MECOM: variants seen among roughly 807,000 people sequenced by gnomAD.
MECOM encodes MDS1 and EVI1 complex locus.
Under a neutral mutation model 116.3 loss-of-function variants are expected in MECOM, and 13 were observed. The observed-to-expected ratio is 0.11, with a 90% CI of 0.07 to 0.18. The LOEUF (loss-of-function observed/expected upper bound fraction) is 0.18. Among genes scored for constraint, MECOM ranks in the 10% least tolerant of loss-of-function variants. The pLI, the probability that MECOM is intolerant of heterozygous loss-of-function variation, is 1.00. For missense variants in MECOM, 1,299 were observed against 1,509.0 expected (o/e 0.86, Z 2.31); for synonymous variants, 528 against 535.2 (o/e 0.99, Z 0.19).
At chr3:169,399,201 C>T (rs1735481478) in intron 1 of MECOM, among the ~76,000 whole-genome samples, 1 of 152,112 alleles carries the variant, frequency 6.6e-6, no homozygotes, top group Non-Finnish European at 1.5e-5. Context: ...ACACTAGATG[C>T]TCAAATTCAA....
At chr3:169,290,987 A>G (rs1714440144) in intron 2 of MECOM, among the ~76,000 whole-genome samples, 1 of 152,112 alleles carries the variant, frequency 6.6e-6, no homozygotes, top group African/African-American at 2.4e-5. Flanking sequence ...GTTTTCTCAC[A>G]TTTTCAACAG....
chr3:169,498,609 C>T (rs1754128489), intron 1 of MECOM, among the ~76,000 whole-genome samples: 1 of 152,196 alleles, frequency 6.6e-6, no homozygotes, highest in African/African-American at 2.4e-5. Context: ...TCTATCCACA[C>T]TATCACAAGA....
intron 2 of MECOM, chr3:169,145,177 CACACACACACACAG>C (rs752891876): frequency 2.0e-5 from 9 of 439,736 alleles, no homozygotes; most frequent in African/African-American, 1.8e-4. Context: ...CACACACACA[CACACACACACACAG>C]AGAGAAATCA....
chr3:169,089,492 G>A (rs1373556592), intron 15 of MECOM, among the ~76,000 whole-genome samples: 2 of 152,068 alleles, frequency 1.3e-5, no homozygotes, highest in African/African-American at 4.8e-5. Context: ...TTAAAGTAAA[G>A]CTAATTATGA....
intron 2 of MECOM, among the ~76,000 whole-genome samples, chr3:169,243,067 C>G (rs1755094301): frequency 1.3e-5 from 2 of 152,098 alleles, no homozygotes; most frequent in African/African-American, 4.8e-5. Flanking sequence ...TTACTTAAGT[C>G]AGACTCAATA....
At chr3:169,389,393 C>T (rs965282221) in intron 1 of MECOM, among the ~76,000 whole-genome samples, 2 of 152,192 alleles carry the variant, frequency 1.3e-5, no homozygotes, top group Non-Finnish European at 2.9e-5. Context: ...TAATGTTTGG[C>T]TTATTCTGTT....
chr3:169,446,618 G>C (rs899998499), intron 1 of MECOM, among the ~76,000 whole-genome samples: 1 of 152,158 alleles, frequency 6.6e-6, no homozygotes, highest in African/African-American at 2.4e-5. Context: ...TCCCTTTCCT[G>C]ATAATTAAGT....
intron 1 of MECOM, among the ~76,000 whole-genome samples, chr3:169,627,229 C>G (rs975697748): frequency 1.3e-5 from 2 of 152,136 alleles, no homozygotes; most frequent in African/African-American, 4.8e-5. Context: ...GGCACTATGT[C>G]GTGAGGTTTG....
chr3:169,564,640 G>T (rs779719002), intron 1 of MECOM, among the ~76,000 whole-genome samples: 23 of 152,152 alleles, frequency 1.5e-4, no homozygotes, highest in Non-Finnish European at 2.9e-4. Flanking sequence ...AAATGGTATT[G>T]CCCATGCAAG....
At position 169,378,438 on chromosome 3, in the gene MECOM, AAAGAAAGAAAGAAGGAAAGCAAGCAAGC is replaced by A. The variant is rs1399493031; in HGVS notation, c.375+2721_375+2748del. 3.3e-4 allele frequency among the ~76,000 whole-genome samples: 28 copies of A among 83,716 alleles called. 1 individual carries two copies. Among genetic ancestry groups the A allele is most frequent in the African/African-American group, 6.3e-4 (8 of 12,664 alleles). 54.9% of individuals were successfully genotyped at this position (83,716 alleles called of 152,430 possible). A position where few individuals can be genotyped will look rare whatever the true frequency, so the allele number is the denominator to read the frequency against. On this transcript the variant is annotated intron_variant, in intron 2 of 16. Transcript: ENST00000651503. ...GAAAGAAAGAAAGAAAGAAAGAAAGAAAGAAAGAAAGAAGGAAAGCAAGCAAGCAAGCAAGCAAGAAAGAGAGAGAGAA... is the reference window on the plus strand; with the variant it reads ...GAAAGAAAGAAAGAAAGAAAGAAAGAAAGCAAGCAAGAAAGAGAGAGAGAA...
At chr3:169,263,418 G>A (rs1169386459) in intron 2 of MECOM, among the ~76,000 whole-genome samples, 2 of 151,390 alleles carry the variant, frequency 1.3e-5, no homozygotes, top group African/African-American at 4.9e-5. Context: ...GTGAGCCACC[G>A]CGCCCTGCCA....
intron 2 of MECOM, among the ~76,000 whole-genome samples, chr3:169,280,475 A>G (rs1053514439): frequency 1.3e-5 from 2 of 152,204 alleles, no homozygotes; most frequent in African/African-American, 2.4e-5. Flanking sequence ...TTTTGTCACT[A>G]GATCTAGTAA....
chr3:169,508,736 G>A (rs1038374631), intron 1 of MECOM, among the ~76,000 whole-genome samples: 18 of 152,242 alleles, frequency 1.2e-4, no homozygotes, highest in African/African-American at 3.9e-4. Context: ...CCTAAGGTAC[G>A]TATTCAAAGT....
At chr3:169,403,647 G>A (rs924675983) in intron 1 of MECOM, among the ~76,000 whole-genome samples, 3 of 152,138 alleles carry the variant, frequency 2.0e-5, no homozygotes, top group African/African-American at 4.8e-5. Flanking sequence ...AGAGAATGAC[G>A]ATAAATCCCT....
chr3:169,490,263 G>C (rs1314469797), intron 1 of MECOM, among the ~76,000 whole-genome samples: 1 of 152,128 alleles, frequency 6.6e-6, no homozygotes, highest in Non-Finnish European at 1.5e-5. Context: ...GGAGTGTAAA[G>C]TGTACAATCA....
intron 2 of MECOM, among the ~76,000 whole-genome samples, chr3:169,275,034 T>C (rs1759411916): frequency 6.6e-6 from 1 of 152,292 alleles, no homozygotes; most frequent in South Asian, 2.1e-4. Context: ...AGAAAACAGG[T>C]AGGGCAATAA....
At chr3:169,187,033 C>T (rs542111992) in intron 2 of MECOM, among the ~76,000 whole-genome samples, 14 of 152,028 alleles carry the variant, frequency 9.2e-5, no homozygotes, top group African/African-American at 1.7e-4. Context: ...AAACTTGTTC[C>T]GAAGCAATAG....
At chr3:169,206,870 A>T (rs779805787) in intron 2 of MECOM, among the ~76,000 whole-genome samples, 5 of 152,164 alleles carry the variant, frequency 3.3e-5, no homozygotes, top group Non-Finnish European at 5.9e-5. Flanking sequence ...GATTCTAGTG[A>T]ATATCCAGAG....
chr3:169,326,280 A>C (rs1316398501), intron 2 of MECOM, among the ~76,000 whole-genome samples: 1 of 152,252 alleles, frequency 6.6e-6, no homozygotes, highest in Non-Finnish European at 1.5e-5. Context: ...TGGATATTCT[A>C]TTCAAAGAAA....
Sources: gnomAD v4.1 joint callset for allele counts (sites outside exome capture counted in the v4.1 genomes callset) on GRCh38, gnomAD v4.1.1 for gene constraint, MANE v1.5 for transcripts, NCBI Gene and HGNC (gene_info 2026-07-23, HGNC 2026-07-21) for gene names.